The following NFX1 variants were observed in gnomAD, a reference collection of about 807,000 sequenced individuals.
The protein encoded by NFX1 is nuclear transcription factor, X-box binding 1.
NFX1 carries 69 observed loss-of-function variants against 137.2 expected under a neutral mutation model. That is an observed-to-expected ratio of 0.50 (90% confidence interval 0.41 to 0.61). The LOEUF is 0.61. NFX1 is among the 20% of genes least tolerant of loss of function. The pLI, the probability that NFX1 is intolerant of heterozygous loss-of-function variation, is 0.00. For missense variants in NFX1, 1,167 were observed against 1,391.0 expected, an observed-to-expected ratio of 0.84 and a Z score of 2.56; for synonymous variants, 495 against 474.1, an observed-to-expected ratio of 1.04 and a Z score of -0.57.
At chr9:33,296,787 C>T (rs1003212501) in intron 2 of NFX1, among the ~76,000 whole-genome samples, 1 of 152,274 alleles carries the variant, frequency 6.6e-6, no homozygotes, top group East Asian at 1.9e-4. Context: ...TTATAGATAG[C>T]GTTAATCTCT....
At chr9:33,356,132 G>A (rs1012300738) in intron 19 of NFX1, among the ~76,000 whole-genome samples, 1 of 152,092 alleles carries the variant, frequency 6.6e-6, no homozygotes, top group Admixed American at 6.6e-5. Flanking sequence ...GTACATTTTT[G>A]TCAGCACTTG....
chr9:33,348,945 A>G (rs564601328), intron 15 of NFX1, among the ~76,000 whole-genome samples: 3 of 152,010 alleles, frequency 2.0e-5, no homozygotes, highest in Non-Finnish European at 4.4e-5. Flanking sequence ...CCAACATTTC[A>G]TGAAACTCTT....
intron 19 of NFX1, among the ~76,000 whole-genome samples, chr9:33,361,264 A>G (rs1364447883): frequency 6.6e-6 from 1 of 152,204 alleles, no homozygotes; most frequent in Non-Finnish European, 1.5e-5. Context: ...GAGAAATGCT[A>G]ACAAGATAAT....
intron 15 of NFX1, among the ~76,000 whole-genome samples, 175 bp from the exon 16 acceptor site, chr9:33,351,385 C>A (rs1172077006): frequency 6.6e-6 from 1 of 151,034 alleles, no homozygotes; most frequent in Non-Finnish European, 1.5e-5. Flanking sequence ...ACCTGAGCCC[C>A]AGGAAAGTCA....
chr9:33,317,557 A>C (rs1477974688), intron 7 of NFX1, among the ~76,000 whole-genome samples: 1 of 147,626 alleles, frequency 6.8e-6, no homozygotes, highest in Non-Finnish European at 1.5e-5. Context: ...CAAGGCAGGC[A>C]CAGTGGCTCA....
rs956345853 is a variant in NFX1, at chr9:33,359,325, G to A, written c.2873+4433G>A. Reference sequence around the variant, plus strand: ...AATAATAGATATTCCTTGGCCGGGCGCGGTGGCTCACGCCTGTAATCCCAG... The same window carrying A: ...AATAATAGATATTCCTTGGCCGGGCACGGTGGCTCACGCCTGTAATCCCAG... On this transcript the variant is annotated intron_variant, in intron 19 of 23. Coordinates refer to ENST00000379540, the MANE Select transcript of NFX1 (RefSeq NM_002504.6). Among the ~76,000 whole-genome samples, 11 of 152,002 alleles carry A rather than the reference G, an allele frequency of 7.2e-5. No homozygotes were observed. The East Asian group carries it at 1.2e-3, about 16-fold the overall frequency.
intron 7 of NFX1, among the ~76,000 whole-genome samples, chr9:33,317,533 T>TAA (rs796521735): frequency 7.6e-4 from 102 of 134,056 alleles, no homozygotes; most frequent in African/African-American, 2.6e-3. Flanking sequence ...TTCAGCTAAT[T>TAA]AAAAAAAAAA....
chr9:33,292,914 T>G (rs1821214726), intron 1 of NFX1, among the ~76,000 whole-genome samples: 1 of 152,240 alleles, frequency 6.6e-6, no homozygotes, highest in African/African-American at 2.4e-5. Context: ...TAAATTATCT[T>G]ATGTTTCCAG....
chr9:33,319,967 T>G (rs1024733753), intron 9 of NFX1, among the ~76,000 whole-genome samples: 8 of 147,340 alleles, frequency 5.4e-5, no homozygotes, highest in African/African-American at 2.0e-4. Context: ...TTTCTTTTCT[T>G]TTTTTTTTTT....
At chr9:33,308,161 G>A (rs1036922489) in intron 5 of NFX1, among the ~76,000 whole-genome samples, 1 of 152,132 alleles carries the variant, frequency 6.6e-6, no homozygotes, top group African/African-American at 2.4e-5. Flanking sequence ...ATATCCATAA[G>A]CCAGACACGG....
intron 19 of NFX1, among the ~76,000 whole-genome samples, chr9:33,362,532 G>A (rs140506077): frequency 1.6e-4 from 25 of 152,126 alleles, no homozygotes; most frequent in African/African-American, 4.3e-4. Flanking sequence ...GACACCACAC[G>A]ATCTCACTCA....
Position 33,294,621 on chromosome 9 carries a change from C to T in NFX1, c.227C>T (p.Ser76Leu). ...GTTCATCAGCATAGTTATCATCCGTCAGGAAGCAAACCTAAGAGTCAGCAG... is the reference window on the plus strand; with the variant it reads ...GTTCATCAGCATAGTTATCATCCGTTAGGAAGCAAACCTAAGAGTCAGCAG... ...SAVHQHSYHP[S>L]GSKPKSQQTS... The change falls in exon 2 of 24, where the codon TCA becomes TTA. Residue 76 changes from serine to leucine, a missense_variant. This residue lies in a region of NFX1 where 367 missense variants were observed against 386.7 expected (regional missense o/e 0.95). Transcript: ENST00000379540. 6.2e-7 allele frequency: 1 copy of T among 1,614,186 alleles called. No individual in the cohort carries two copies. The highest frequency in any genetic ancestry group is 8.5e-7 in the Non-Finnish European group (1 of 1,180,046).
chr9:33,330,115 G>C (rs745894460), intron 10 of NFX1, among the ~76,000 whole-genome samples: 4 of 152,122 alleles, frequency 2.6e-5, no homozygotes, highest in Non-Finnish European at 5.9e-5. Flanking sequence ...GTTTTCATCA[G>C]ACTTTATGTT....
intron 19 of NFX1, among the ~76,000 whole-genome samples, chr9:33,360,900 G>T (rs1210293600): frequency 6.6e-6 from 1 of 152,148 alleles, no homozygotes; most frequent in East Asian, 1.9e-4. Flanking sequence ...TTGGTGCAGT[G>T]TAAATGAAAA....
chr9:33,362,862 CCTGA>C (rs978441200), intron 19 of NFX1, among the ~76,000 whole-genome samples: 10 of 152,072 alleles, frequency 6.6e-5, no homozygotes, highest in Admixed American at 5.2e-4. Context: ...CACAACCACA[CCTGA>C]CTAATTTTTG....
intron 7 of NFX1, among the ~76,000 whole-genome samples, chr9:33,316,475 A>T (rs1282467260): frequency 6.6e-6 from 1 of 152,102 alleles, no homozygotes; most frequent in African/African-American, 2.4e-5. Context: ...AAATCACCCA[A>T]GTCTTTTTTG....
chr9:33,367,700 A>C lies in NFX1; in HGVS notation c.3290+81A>C, dbSNP rs1342646193. 9 of 1,384,052 alleles carry C rather than the reference A, an allele frequency of 6.5e-6. No homozygotes were observed. In the East Asian group the frequency reaches 1.9e-4, roughly 29 times the overall value. 85.7% of individuals were successfully genotyped at this position (1,384,052 alleles called of 1,614,324 possible). A position where few individuals can be genotyped will look rare whatever the true frequency, so the allele number is the denominator to read the frequency against. ...GGGCTGAATTGTCCTGAGCTGCACC[A>C]GCCATTGGTGGCCTCCTCAGGCCTG... On this transcript the variant is annotated intron_variant, in intron 23 of 23. Transcript: ENST00000379540.
At chr9:33,365,086 C>A in intron 21 of NFX1, 1 of 695,436 alleles carries the variant, frequency 1.4e-6, no homozygotes, top group Non-Finnish European at 1.9e-6. Flanking sequence ...TCAGCTTGGC[C>A]AACATGACGA....
rs2118719240 is a variant in NFX1 at position 33,369,921 on chromosome 9, T to G, written c.3306T>G (p.Ser1102Arg). ...RHQSDKNPGS[S>R]NLQKITKEPI... is the part of the protein sequence containing the mutation. ...TGTTTTTCAGGAATCCTGGGAGCAG[T>G]AATTTACAGAAAATAACCAAGGAGC... Residue 1102 changes from serine to arginine, a missense_variant, in exon 24 of 24, where the codon AGT becomes AGG. Coordinates refer to ENST00000379540, the MANE Select transcript of NFX1 (RefSeq NM_002504.6). 1 of 1,613,560 alleles carries G rather than the reference T, an allele frequency of 6.2e-7. No homozygotes were observed. The highest frequency in any genetic ancestry group is 8.5e-7 in the Non-Finnish European group (1 of 1,179,524).
Sources: allele counts gnomAD v4.1 joint callset (sites outside exome capture counted in the v4.1 genomes callset), GRCh38; gene constraint gnomAD v4.1.1; regional missense constraint gnomAD v4.1.1; transcripts MANE v1.5; gene names NCBI Gene and HGNC (gene_info 2026-07-23, HGNC 2026-07-21).